Variants in PIP5K1C observed in about 807,000 individuals in gnomAD.
PIP5K1C encodes the protein phosphatidylinositol-4-phosphate 5-kinase type 1 gamma, also known as phosphatidylinositol 4-phosphate 5-kinase type-1 gamma.
Under a neutral mutation model 80.1 loss-of-function variants are expected in PIP5K1C, and 45 were observed. That is an observed-to-expected ratio of 0.56 (90% CI 0.44 to 0.72). The LOEUF is 0.72. Among genes scored for constraint, PIP5K1C ranks in the 30% least tolerant of loss-of-function variants. The pLI is 0.00. For missense variants in PIP5K1C, 753 were observed against 954.6 expected (o/e 0.79, Z 2.78); for synonymous variants, 498 against 420.1 (o/e 1.19, Z -2.27).
At chr19:3,651,055 GTTT>G (rs60438258) in intron 8 of PIP5K1C, among the ~76,000 whole-genome samples, 7 of 127,290 alleles carry the variant, frequency 5.5e-5, no homozygotes, top group African/African-American at 1.8e-4. Context: ...CGCGCCCAGC[GTTT>G]TTTTTTTTTT....
At chr19:3,665,571 G>A (rs1468595717) in intron 2 of PIP5K1C, among the ~76,000 whole-genome samples, 1 of 152,142 alleles carries the variant, frequency 6.6e-6, no homozygotes, top group African/African-American at 2.4e-5. Context: ...AGGTGGTGGT[G>A]GGAGTCGTAA....
intron 1 of PIP5K1C, among the ~76,000 whole-genome samples, chr19:3,691,999 A>T (rs1186547614): frequency 4.6e-5 from 7 of 152,040 alleles, no homozygotes; most frequent in African/African-American, 1.7e-4. Flanking sequence ...AGCCCCGCCC[A>T]TGTCAGCGCA....
At chr19:3,694,795 TCCGAGTCCTCAGCTG>T (rs2036051260) in intron 1 of PIP5K1C, among the ~76,000 whole-genome samples, 3 of 152,248 alleles carry the variant, frequency 2.0e-5, no homozygotes, top group African/African-American at 4.8e-5. Context: ...GTCACCTCCC[TCCGAGTCCTCAGCTG>T]CCGCAGGCCT....
intron 1 of PIP5K1C, among the ~76,000 whole-genome samples, chr19:3,697,556 G>A (rs575061088): frequency 9.2e-5 from 14 of 152,234 alleles, no homozygotes; most frequent in Admixed American, 2.6e-4. Context: ...GAGAGGCAGA[G>A]GACAGGGAAG....
chr19:3,660,379 CG>C (rs2034792986), intron 5 of PIP5K1C, among the ~76,000 whole-genome samples: 1 of 143,434 alleles, frequency 7.0e-6, no homozygotes, highest in East Asian at 2.0e-4. Flanking sequence ...GACTCTGTCT[CG>C]AAAAAAAAAA....
At chr19:3,679,955 G>A (rs1320604539) in intron 1 of PIP5K1C, among the ~76,000 whole-genome samples, 1 of 152,242 alleles carries the variant, frequency 6.6e-6, no homozygotes, top group Non-Finnish European at 1.5e-5. Flanking sequence ...GGGAGACACT[G>A]CCCGGGCTAT....
chr19:3,694,956 A>G (rs1241866248), intron 1 of PIP5K1C, among the ~76,000 whole-genome samples: 2 of 152,260 alleles, frequency 1.3e-5, no homozygotes, highest in African/African-American at 4.8e-5. Flanking sequence ...AGCCCCAAGC[A>G]TGGCCACTCA....
chr19:3,671,492 G>A (rs1376100766), intron 1 of PIP5K1C, among the ~76,000 whole-genome samples: 1 of 152,256 alleles, frequency 6.6e-6, no homozygotes, highest in Non-Finnish European at 1.5e-5. Flanking sequence ...GAGAGGAGAG[G>A]GGCAGGCGGC....
intron 7 of PIP5K1C, 148 bp from the exon 8 acceptor site, chr19:3,652,179 T>C (rs1406970963): frequency 1.5e-6 from 1 of 675,592 alleles, no homozygotes. Context: ...GAGTGGGGGT[T>C]CTAGTGTTAT....
Position 3,637,002 on chromosome 19 carries a change from A to ACCATCC in PIP5K1C, c.1920+1881_1920+1882insGGATGG. On this transcript the variant is annotated intron_variant, in intron 16 of 17. Transcript: ENST00000335312. This position sits in a 1 kb window ranked among gnomAD's most constrained non-coding sequence, Gnocchi z 7.0. The stretch of plus-strand genomic sequence containing the variant: ...AAACCGTGTGGTCTCCCAGGCTCCC[A>ACCATCC]GGGGAGCCGAGGCCTCAGCGCCTCC... 1 of 1,034,460 alleles carries ACCATCC rather than the reference A, an allele frequency of 9.7e-7. No homozygotes were observed. Among genetic ancestry groups the ACCATCC allele is most frequent in the Non-Finnish European group, 1.2e-6 (1 of 860,648 alleles). 64.1% of individuals were successfully genotyped at this position (1,034,460 alleles called of 1,614,324 possible).
chr19:3,668,728 G>A (rs760858910), intron 1 of PIP5K1C, among the ~76,000 whole-genome samples: 5 of 152,178 alleles, frequency 3.3e-5, no homozygotes, highest in African/African-American at 9.7e-5. Flanking sequence ...AGGGGTGGGC[G>A]CAGGGCTGGG....
intron 1 of PIP5K1C, among the ~76,000 whole-genome samples, chr19:3,683,492 G>A (rs1198862362): frequency 2.6e-5 from 4 of 152,302 alleles, no homozygotes; most frequent in Non-Finnish European, 4.4e-5. Context: ...GGCGGGGCCC[G>A]CACCATATGA....
Position 3,688,283 on chromosome 19 carries a change from A to C in PIP5K1C, c.94+12014T>G, listed in dbSNP as rs1056826175. Reference sequence around the variant, plus strand: ...CCCTCCGGGGAGTACAGTGTCCCTGAAGGGAATTCCTTCCAGAGCCTGAGG... The same window carrying C: ...CCCTCCGGGGAGTACAGTGTCCCTGCAGGGAATTCCTTCCAGAGCCTGAGG... On this transcript the variant is annotated intron_variant, in intron 1 of 17. Coordinates refer to ENST00000335312, the MANE Select transcript of PIP5K1C (RefSeq NM_012398.3). This position sits in a 1 kb window ranked among gnomAD's most constrained non-coding sequence, Gnocchi z 5.3. Among the ~76,000 whole-genome samples, 2 of 152,164 alleles carry C rather than the reference A, an allele frequency of 1.3e-5. No individual in the cohort carries two copies. The highest frequency in any genetic ancestry group is 2.9e-5 in the Non-Finnish European group (2 of 68,010).
chr19:3,695,372 G>C (rs1045496634), intron 1 of PIP5K1C, among the ~76,000 whole-genome samples: 20 of 152,228 alleles, frequency 1.3e-4, no homozygotes, highest in African/African-American at 4.6e-4. Flanking sequence ...CTGGGACGGA[G>C]GGGGCACCCA....
intron 16 of PIP5K1C, chr19:3,636,684 A>ACC (rs1334528225): frequency 1.0e-6 from 1 of 985,314 alleles, no homozygotes; most frequent in African/African-American, 1.7e-5. Context: ...AGTGGTCTCC[A>ACC]CCTCTTGGGG....
At position 3,641,742 on chromosome 19, in the gene PIP5K1C, T is replaced by A. The variant is rs1225519896; in HGVS notation, c.1750A>T (p.Ser584Cys). 1 of 1,611,090 alleles carries A rather than the reference T, an allele frequency of 6.2e-7. No individual in the cohort carries two copies. Among genetic ancestry groups the A allele is most frequent in the Non-Finnish European group, 8.5e-7 (1 of 1,180,024 alleles). The change falls in exon 15 of 18, where the codon AGC (serine) becomes TGC (cysteine). Residue 584 changes from serine to cysteine, a missense_variant. Ser to Cys is a moderately radical substitution (Grantham distance 112). Coordinates refer to ENST00000335312, the MANE Select transcript of PIP5K1C (RefSeq NM_012398.3). The stretch of plus-strand genomic sequence containing the variant: ...TCTTTGGGGACCACAATCTCCACGC[T>A]GCACGCAGGCTCCACCTGCACTGTA... ...QITVQVEPAC[S>C]VEIVVPKEED...
chr19:3,630,978 G>C lies in PIP5K1C; in HGVS notation c.*2189C>G, dbSNP rs745337186. On this transcript the variant is annotated 3_prime_UTR_variant, in exon 18 of 18. Transcript: ENST00000335312. Reference sequence around the variant, plus strand: ...ACAGTCAGTGGAGCACGTCAGCCTCGGTTTACAGTTCTCTGAAAAGGAACC... The same window carrying C: ...ACAGTCAGTGGAGCACGTCAGCCTCCGTTTACAGTTCTCTGAAAAGGAACC... 3 of 152,236 alleles carry C rather than the reference G, an allele frequency of 2.0e-5. No individual in the cohort carries two copies. The highest frequency in any genetic ancestry group is 4.8e-5 in the African/African-American group (2 of 41,428). The allele number at this position is 152,236 out of a possible 1,614,324, so 9.4% of individuals were successfully genotyped here.
In PIP5K1C at chr19:3,653,654, G is replaced by T. The variant is rs923775114; in HGVS notation, c.622-65C>A. The stretch of plus-strand genomic sequence containing the variant: ...CCACAGACTCACGGGGGCGGGCAAA[G>T]CAGGCCTCTGCCTCAGGGGGCTCAT... On this transcript the variant is annotated intron_variant, in intron 6 of 17. Coordinates refer to ENST00000335312, the MANE Select transcript of PIP5K1C (RefSeq NM_012398.3). The T allele has an allele frequency of 2.7e-6, 4 of 1,460,758 alleles. No homozygotes were observed. The Admixed American group carries it at 7.3e-5, about 27-fold the overall frequency. 90.5% of individuals were successfully genotyped at this position (1,460,758 alleles called of 1,614,324 possible).
intron 12 of PIP5K1C, 62 bp from the exon 13 acceptor site, chr19:3,643,443 TCTCC>T: frequency 6.2e-7 from 1 of 1,600,848 alleles, no homozygotes; most frequent in Non-Finnish European, 8.5e-7. Flanking sequence ...CACAGTCGAT[TCTCC>T]CTGAGGCTTG....
Sources: allele counts gnomAD v4.1 joint callset (sites outside exome capture counted in the v4.1 genomes callset), GRCh38; gene constraint gnomAD v4.1.1; non-coding constraint Gnocchi (gnomAD v3.1); transcripts MANE v1.5; gene names NCBI Gene and HGNC (gene_info 2026-07-23, HGNC 2026-07-21).